Variants in ZNF423 observed in about 807,000 individuals in gnomAD.
ZNF423 encodes Ebf-associated zinc finger protein.
A neutral mutation model predicts 95.8 loss-of-function variants in ZNF423; 12 were observed. That is an observed-to-expected ratio of 0.13 (90% confidence interval 0.08 to 0.20). The LOEUF (loss-of-function observed/expected upper bound fraction) is 0.20. Among genes scored for constraint, ZNF423 ranks in the 10% least tolerant of loss-of-function variants. ZNF423 has a pLI of 1.00. For missense variants in ZNF423, 1,316 were observed against 1,737.1 expected (o/e 0.76, Z 4.31); for synonymous variants, 749 against 711.9 (o/e 1.05, Z -0.83).
chr16:49,779,913 G>A (rs1320314150), intron 2 of ZNF423, among the ~76,000 whole-genome samples: 1 of 152,180 alleles, frequency 6.6e-6, no homozygotes, highest in Admixed American at 6.5e-5. Flanking sequence ...AGGGCCATGG[G>A]CTTGCTGGGG....
intron 7 of ZNF423, among the ~76,000 whole-genome samples, chr16:49,505,279 A>C (rs1045683504): frequency 3.3e-5 from 5 of 152,244 alleles, no homozygotes; most frequent in African/African-American, 1.2e-4. Context: ...TATACAGAAC[A>C]CATATGTTCA....
chr16:49,599,466 G>T (rs1971287523), intron 5 of ZNF423, among the ~76,000 whole-genome samples: 1 of 152,108 alleles, frequency 6.6e-6, no homozygotes, highest in Admixed American at 6.5e-5. Flanking sequence ...ACTCAGAGAG[G>T]TTAAGGAACC....
chr16:49,787,603 C>G (rs538480180), intron 2 of ZNF423, among the ~76,000 whole-genome samples: 1 of 152,322 alleles, frequency 6.6e-6, no homozygotes, highest in South Asian at 2.1e-4. Flanking sequence ...AATTACAGAA[C>G]TACAGAACCC....
At chr16:49,669,273 G>A (rs895088221) in intron 3 of ZNF423, among the ~76,000 whole-genome samples, 2 of 151,586 alleles carry the variant, frequency 1.3e-5, no homozygotes, top group African/African-American at 4.9e-5. Flanking sequence ...AGGTTGCAGT[G>A]AGCTGAGTTC....
intron 5 of ZNF423, among the ~76,000 whole-genome samples, chr16:49,549,890 T>A (rs1037243183): frequency 6.6e-6 from 1 of 152,072 alleles, no homozygotes; most frequent in African/African-American, 2.4e-5. Context: ...TTTTTTTTTT[T>A]AGACACAGGT....
chr16:49,579,760 A>C (rs1970609148), intron 5 of ZNF423, among the ~76,000 whole-genome samples: 1 of 152,102 alleles, frequency 6.6e-6, no homozygotes, highest in African/African-American at 2.4e-5. Context: ...TTGGGGAAAG[A>C]AGAAGACACC....
At chr16:49,640,971 G>A (rs1178540133) in intron 3 of ZNF423, 1 of 152,240 alleles carries the variant, frequency 6.6e-6, no homozygotes, top group East Asian at 1.9e-4. Context: ...GGGACCCCAG[G>A]GAGGAGATGG....
intron 7 of ZNF423, chr16:49,517,967 G>A (rs1010560047): frequency 3.5e-5 from 16 of 453,422 alleles, no homozygotes; most frequent in South Asian, 9.4e-5. Context: ...GCAGCACGTC[G>A]TTTTGGAAAC....
chr16:49,729,402 C>T (rs186549285), intron 3 of ZNF423, among the ~76,000 whole-genome samples: 48 of 152,174 alleles, frequency 3.2e-4, no homozygotes, highest in Admixed American at 6.5e-4. Flanking sequence ...AGCTTGGCCA[C>T]CAAACAGATA....
intron 3 of ZNF423, among the ~76,000 whole-genome samples, chr16:49,656,334 A>T (rs2029879732): frequency 6.6e-6 from 1 of 152,068 alleles, no homozygotes; most frequent in African/African-American, 2.4e-5. Flanking sequence ...AACATGGTGA[A>T]ACCCCGTCTC....
chr16:49,734,477 G>A (rs980839823), intron 2 of ZNF423, among the ~76,000 whole-genome samples: 1 of 152,256 alleles, frequency 6.6e-6, no homozygotes, highest in African/African-American at 2.4e-5. Flanking sequence ...AACAGGCCGA[G>A]GAGAAGGCCA....
At chr16:49,747,404 A>C (rs757733158) in intron 2 of ZNF423, among the ~76,000 whole-genome samples, 29 of 152,346 alleles carry the variant, frequency 1.9e-4, no homozygotes, top group South Asian at 4.1e-4. Flanking sequence ...CATGTATATC[A>C]GTAGTATTTA....
intron 3 of ZNF423, among the ~76,000 whole-genome samples, chr16:49,699,622 T>C (rs941778151): frequency 2.0e-5 from 3 of 152,194 alleles, no homozygotes; most frequent in African/African-American, 7.2e-5. Flanking sequence ...TTCCCAGAGG[T>C]GGTATCTTCA....
In ZNF423 at chr16:49,580,753, C is replaced by T. The variant is rs1049019279; in HGVS notation, c.3601+45417G>A. ...GAGAAGGCCCCAGAGATTCCACATT[C>T]GAGGGTAGAAAAGTTTCACTTTCAT... On this transcript the variant is annotated intron_variant, in intron 5 of 7. Transcript: ENST00000563137. 3.3e-5 allele frequency among the ~76,000 whole-genome samples: 5 copies of T among 152,078 alleles called. No homozygotes were observed. In the South Asian group the frequency reaches 1.0e-3, roughly 32 times the overall value.
At position 49,661,738 on chromosome 16, in the gene ZNF423, A is replaced by T. The variant is rs8058590; in HGVS notation, c.302-22864T>A. Among the ~76,000 whole-genome samples, 1,461 of 152,266 alleles carry T rather than the reference A, an allele frequency of 9.6e-3. 27 individuals are homozygous for T. The highest frequency in any genetic ancestry group is 0.033 in the African/African-American group (1,356 of 41,548). ...CCTGGGGCAGTGAGCACACCCAGCA[A>T]AGCCCTGCACCATGGAGGCTGCATT... is the stretch of plus-strand genomic sequence containing the variant. On this transcript the variant is annotated intron_variant, in intron 3 of 7. Coordinates refer to ENST00000563137, the MANE Select transcript of ZNF423 (RefSeq NM_001379286.1).
chr16:49,594,273 G>A (rs74874799), intron 5 of ZNF423, among the ~76,000 whole-genome samples: 1,861 of 152,200 alleles, frequency 0.012, 18 homozygotes, highest in Admixed American at 0.03. Context: ...TGGCCCCTCT[G>A]GAATCTCTTC....
upstream of ZNF423, among the ~76,000 whole-genome samples, chr16:49,856,521 G>A (rs1436145289): frequency 6.6e-6 from 1 of 151,324 alleles, no homozygotes; most frequent in African/African-American, 2.4e-5. Context: ...CGCCTGGTTT[G>A]GAGATTATGA....
rs532940886 is a variant in ZNF423 at position 49,635,691 on chromosome 16, C to T, written c.3485G>A (p.Arg1162Gln). ...CACTGGCGATGTCTGGGTGCCTTTCCGGGGCCCACTGGTCTCCGGCGTGAG... is the reference window on the plus strand; with the variant it reads ...CACTGGCGATGTCTGGGTGCCTTTCTGGGGCCCACTGGTCTCCGGCGTGAG... The part of the protein sequence containing the change: ...RDLTPETSGP[R>Q]KGTQTSPVPR... The change falls in exon 4 of 8, where the codon CGG (arginine) becomes CAG (glutamine). Residue 1162 changes from arginine (R) to glutamine (Q), a missense_variant. This residue lies in a region of ZNF423 where 620 missense variants were observed against 775.6 expected (regional missense o/e 0.80). Transcript: ENST00000563137. The surrounding 1 kb of genome is among the most constrained non-coding windows in gnomAD (Gnocchi z 4.8). The T allele has an allele frequency of 2.6e-5, 42 of 1,590,668 alleles. No individual in the cohort carries two copies. Among genetic ancestry groups the T allele is most frequent in the East Asian group, 4.5e-5 (2 of 44,652 alleles).
At chr16:49,567,166 G>A (rs923850148) in intron 5 of ZNF423, among the ~76,000 whole-genome samples, 3 of 152,224 alleles carry the variant, frequency 2.0e-5, no homozygotes, top group Non-Finnish European at 4.4e-5. Flanking sequence ...CACAAGGCAA[G>A]TTGCAAGCAG....
Sources: gnomAD v4.1 joint callset for allele counts (sites outside exome capture counted in the v4.1 genomes callset) on GRCh38, gnomAD v4.1.1 for gene constraint, gnomAD v4.1.1 regional missense constraint, Gnocchi (gnomAD v3.1) non-coding constraint, MANE v1.5 for transcripts, NCBI Gene and HGNC (gene_info 2026-07-23, HGNC 2026-07-21) for gene names.